Variants in ADRA1A observed in about 807,000 individuals in gnomAD.
ADRA1A encodes the protein adrenoceptor alpha 1A.
ADRA1A carries 31 observed loss-of-function variants against 29.6 expected under a neutral mutation model. The ratio of observed to expected loss-of-function variants is 1.05; its 90% CI spans 0.79 to 1.41. ADRA1A has a LOEUF of 1.41. Among genes scored for constraint, ADRA1A ranks in the 40% most tolerant of loss-of-function variants. The pLI, the probability that ADRA1A is intolerant of heterozygous loss-of-function variation, is 0.00. For synonymous variants in ADRA1A, 311 were observed against 254.3 expected, an observed-to-expected ratio of 1.22 and a Z score of -2.12; for missense variants, 619 against 601.1, an observed-to-expected ratio of 1.03 and a Z score of -0.31.
intron 2 of ADRA1A, among the ~76,000 whole-genome samples, chr8:26,799,616 C>G (rs1016529570): frequency 6.6e-6 from 1 of 152,158 alleles, no homozygotes; most frequent in African/African-American, 2.4e-5. Flanking sequence ...CAATGCTGAT[C>G]TAAGATATAC....
chr8:26,811,181 GCTTT>G (rs1809356230), intron 2 of ADRA1A, among the ~76,000 whole-genome samples: 1 of 150,566 alleles, frequency 6.6e-6, no homozygotes, highest in Admixed American at 6.7e-5. Flanking sequence ...TCACTGTCTA[GCTTT>G]CTTTCTTTTC....
chr8:26,830,717 A>G (rs1223688074), intron 2 of ADRA1A, among the ~76,000 whole-genome samples: 1 of 152,154 alleles, frequency 6.6e-6, no homozygotes, highest in Non-Finnish European at 1.5e-5. Flanking sequence ...AACTCAAATT[A>G]TTTTCTTACC....
At position 26,823,929 on chromosome 8, in the gene ADRA1A, A is replaced by G. The variant is rs915386100; in HGVS notation, c.883+40158T>C. ...TTTCTTTGGGTCTTTGTTCCACGCT[A>G]TGTTACTCTGGGCTCATTTAGAAGA... On this transcript the variant is annotated intron_variant, in intron 2 of 2. Coordinates refer to ENST00000380573, the MANE Select transcript of ADRA1A (RefSeq NM_000680.4). This position sits in a 1 kb window ranked among gnomAD's most constrained non-coding sequence, Gnocchi z 4.2. 6.6e-6 allele frequency among the ~76,000 whole-genome samples: 1 copy of G among 152,170 alleles called. No homozygotes were observed. Among genetic ancestry groups the G allele is most frequent in the African/African-American group, 2.4e-5 (1 of 41,428 alleles).
downstream of ADRA1A, among the ~76,000 whole-genome samples, chr8:26,753,384 C>T (rs550992253): frequency 1.6e-4 from 25 of 152,166 alleles, no homozygotes; most frequent in South Asian, 2.3e-3. Flanking sequence ...ATCTTGAATG[C>T]GGCCCCTGTA....
chr8:26,863,784 G>A (rs1813653166), intron 2 of ADRA1A, among the ~76,000 whole-genome samples: 1 of 152,170 alleles, frequency 6.6e-6, no homozygotes, highest in Admixed American at 6.5e-5. Flanking sequence ...CATTTAAATT[G>A]AACACGTGCT....
downstream of ADRA1A, among the ~76,000 whole-genome samples, chr8:26,766,447 G>T (rs1192670825): frequency 6.6e-6 from 1 of 152,168 alleles, no homozygotes; most frequent in Non-Finnish European, 1.5e-5. Context: ...TCCTAAAAAT[G>T]TGATGCAGTC....
chr8:26,826,210 GAA>G (rs1810550591), intron 2 of ADRA1A, among the ~76,000 whole-genome samples: 2 of 152,318 alleles, frequency 1.3e-5, no homozygotes, highest in South Asian at 4.1e-4. Context: ...AGTAATTAAT[GAA>G]AGTCTCATGA....
downstream of ADRA1A, among the ~76,000 whole-genome samples, chr8:26,766,713 C>G (rs1484751221): frequency 1.3e-5 from 2 of 152,108 alleles, no homozygotes; most frequent in Admixed American, 1.3e-4. Flanking sequence ...AGGTTTAAAT[C>G]ATGGTTCCCC....
rs1813345969 is a variant in ADRA1A, at chr8:26,860,104, G to T, written c.883+3983C>A. On this transcript the variant is annotated intron_variant, in intron 2 of 2. Coordinates refer to ENST00000380573, the MANE Select transcript of ADRA1A (RefSeq NM_000680.4). The surrounding 1 kb of genome is among the most constrained non-coding windows in gnomAD (Gnocchi z 4.7). ...TTAAAAGAAGCCCAGTGATTCCGAG[G>T]GCTCCTGTCTACCACCACTTCTCTC... 6.6e-6 allele frequency among the ~76,000 whole-genome samples: 1 copy of T among 151,954 alleles called. No homozygotes were observed. Among genetic ancestry groups the T allele is most frequent in the South Asian group, 2.1e-4 (1 of 4,814 alleles).
intron 2 of ADRA1A, among the ~76,000 whole-genome samples, chr8:26,858,001 CTGAA>C (rs565760528): frequency 1.3e-5 from 2 of 152,198 alleles, no homozygotes; most frequent in Admixed American, 6.5e-5. Context: ...AATGAAACTG[CTGAA>C]TGAATGAATG....
chr8:26,808,082 T>C (rs1809130463), intron 2 of ADRA1A, among the ~76,000 whole-genome samples: 1 of 152,224 alleles, frequency 6.6e-6, no homozygotes, highest in Non-Finnish European at 1.5e-5. Context: ...TAAGGTGTTA[T>C]ACCCTTGACT....
At chr8:26,856,450 T>C (rs973884125) in intron 2 of ADRA1A, among the ~76,000 whole-genome samples, 4 of 152,246 alleles carry the variant, frequency 2.6e-5, no homozygotes, top group Non-Finnish European at 5.9e-5. Flanking sequence ...ACTTGTATAA[T>C]GGCTATAAAG....
intron 2 of ADRA1A, among the ~76,000 whole-genome samples, chr8:26,861,278 T>C (rs1813433231): frequency 6.7e-6 from 1 of 150,030 alleles, no homozygotes; most frequent in Non-Finnish European, 1.5e-5. Context: ...CTCCTGTTTT[T>C]CCTGACCTGA....
chr8:26,756,578 A>G (rs1268691886), exon 3 of ADRA1A: 1 of 1,551,454 alleles, frequency 6.4e-7, no homozygotes. Context: ...AGTAACAGTA[A>G]CATGTTGGAT....
intron 2 of ADRA1A, among the ~76,000 whole-genome samples, chr8:26,751,269 C>G (rs1191261942): frequency 1.3e-5 from 2 of 152,088 alleles, no homozygotes; most frequent in Non-Finnish European, 2.9e-5. Flanking sequence ...GTATATGGAT[C>G]AGAACATAAT....
At chr8:26,824,011 C>T (rs1241841867) in intron 2 of ADRA1A, among the ~76,000 whole-genome samples, 2 of 152,132 alleles carry the variant, frequency 1.3e-5, no homozygotes, top group African/African-American at 4.8e-5. Flanking sequence ...GCTTCTTTCT[C>T]CTCCCCCTGC....
In ADRA1A at chr8:26,815,727, A is replaced by C. The variant is rs886949314; in HGVS notation, c.884-45061T>G. Among the ~76,000 whole-genome samples, 2 of 152,244 alleles carry C rather than the reference A, an allele frequency of 1.3e-5. No homozygotes were observed. Among genetic ancestry groups the C allele is most frequent in the Non-Finnish European group, 2.9e-5 (2 of 68,042 alleles). Reference sequence around the variant, plus strand: ...AAGCATACCAAAACTTGTAGAATGCAGCCAAAGCAATAATTGGAAATGTGC... The same window carrying C: ...AAGCATACCAAAACTTGTAGAATGCCGCCAAAGCAATAATTGGAAATGTGC... On this transcript the variant is annotated intron_variant, in intron 2 of 2. Transcript: ENST00000380573. The surrounding 1 kb of genome is among the most constrained non-coding windows in gnomAD (Gnocchi z 4.2).
chr8:26,856,031 A>G (rs1389543693), intron 2 of ADRA1A, among the ~76,000 whole-genome samples: 1 of 152,206 alleles, frequency 6.6e-6, no homozygotes, highest in Non-Finnish European at 1.5e-5. Flanking sequence ...CTATTGTTCA[A>G]AGCATTGTTA....
intron 2 of ADRA1A, among the ~76,000 whole-genome samples, chr8:26,820,239 C>A (rs1448035799): frequency 2.0e-5 from 3 of 152,098 alleles, no homozygotes; most frequent in Non-Finnish European, 2.9e-5. Context: ...TACTACATAC[C>A]AAATGCTAAC....
Sources: allele counts gnomAD v4.1 joint callset (sites outside exome capture counted in the v4.1 genomes callset), GRCh38; gene constraint gnomAD v4.1.1; non-coding constraint Gnocchi (gnomAD v3.1); transcripts MANE v1.5; gene names NCBI Gene and HGNC (gene_info 2026-07-23, HGNC 2026-07-21).